Variants in GRID2 observed in about 807,000 individuals in gnomAD.
GRID2 encodes the protein glutamate ionotropic receptor delta type subunit 2, also known as glutamate receptor ionotropic, delta-2.
GRID2 carries 33 observed loss-of-function variants against 114.8 expected under a neutral mutation model. The ratio of observed to expected loss-of-function variants is 0.29; its 90% confidence interval spans 0.22 to 0.38. The LOEUF (loss-of-function observed/expected upper bound fraction) is 0.38. Among genes scored for constraint, GRID2 ranks in the 10% least tolerant of loss-of-function variants. The pLI, the probability that GRID2 is intolerant of heterozygous loss-of-function variation, is 1.00. For missense variants in GRID2, 1,184 were observed against 1,257.7 expected (o/e 0.94, Z 0.89); for synonymous variants, 505 against 449.9 (o/e 1.12, Z -1.55).
intron 2 of GRID2, among the ~76,000 whole-genome samples, chr4:92,791,754 G>A (rs964633058): frequency 6.6e-6 from 1 of 151,856 alleles, no homozygotes; most frequent in Non-Finnish European, 1.5e-5. Context: ...AATACCCTGA[G>A]ACAGCAGTAA....
intron 1 of GRID2, among the ~76,000 whole-genome samples, chr4:92,329,993 A>AAGAGAGAGAGAGAGAGAGAGAGAGAGAG (rs3076580): frequency 2.3e-4 from 30 of 132,580 alleles, no homozygotes; most frequent in African/African-American, 8.1e-4. Context: ...TATGGGAGGA[A>AAGAGAGAGAGAGAGAGAGAGAGAGAGAG]AGAGAGAGAG....
chr4:92,925,154 C>T (rs186748752), intron 2 of GRID2, among the ~76,000 whole-genome samples: 26 of 152,176 alleles, frequency 1.7e-4, no homozygotes, highest in Admixed American at 5.9e-4. Flanking sequence ...CATAAAGCAA[C>T]GACCTCAAAA....
chr4:92,397,165 AATT>A (rs756941506), intron 1 of GRID2, among the ~76,000 whole-genome samples: 52 of 152,066 alleles, frequency 3.4e-4, no homozygotes, highest in Admixed American at 6.6e-4. Flanking sequence ...ACAATATTAC[AATT>A]ATTATAGATA....
chr4:93,310,399 C>T (rs138026567), intron 8 of GRID2, among the ~76,000 whole-genome samples: 11 of 152,132 alleles, frequency 7.2e-5, no homozygotes, highest in South Asian at 2.1e-4. Context: ...GGTTTGGTGG[C>T]GCACTCCTGT....
In GRID2 at chr4:92,939,316, C is replaced by T. The variant is rs907531508; in HGVS notation, c.245-145679C>T. On this transcript the variant is annotated intron_variant, in intron 2 of 15. Coordinates refer to ENST00000282020, the MANE Select transcript of GRID2 (RefSeq NM_001510.4). ...TGATTTGCATTTCTCTGATGGCCAG[C>T]GATGATGAACATTTTTTCATGTGTC... Among the ~76,000 whole-genome samples the T allele has an allele frequency of 4.7e-5, 7 of 147,388 alleles. 1 individual carries two copies. The highest frequency in any genetic ancestry group is 6.0e-5 in the Non-Finnish European group (4 of 66,414).
intron 14 of GRID2, among the ~76,000 whole-genome samples, chr4:93,644,755 A>G (rs1202478304): frequency 6.6e-6 from 1 of 152,202 alleles, no homozygotes; most frequent in Non-Finnish European, 1.5e-5. Context: ...GTAGATGAGA[A>G]AATAGACTGG....
intron 8 of GRID2, among the ~76,000 whole-genome samples, chr4:93,244,162 A>T (rs13146759): frequency 0.54 from 82,627 of 151,760 alleles, 23,471 homozygotes; most frequent in Middle Eastern, 0.73. Context: ...TGCAGACTGA[A>T]TTCCAGTATT....
At chr4:92,507,928 C>T (rs1467062454) in intron 1 of GRID2, among the ~76,000 whole-genome samples, 1 of 151,870 alleles carries the variant, frequency 6.6e-6, no homozygotes, top group African/African-American at 2.4e-5. Context: ...ATGTAGAATA[C>T]CCTTCCCTGG....
intron 4 of GRID2, among the ~76,000 whole-genome samples, chr4:93,120,889 C>T (rs1475901196): frequency 6.6e-6 from 1 of 151,992 alleles, no homozygotes; most frequent in Non-Finnish European, 1.5e-5. Flanking sequence ...GGAGGTGGAG[C>T]TTGTAGTGAG....
chr4:92,803,568 C>A (rs1740273701), intron 2 of GRID2, among the ~76,000 whole-genome samples: 1 of 151,922 alleles, frequency 6.6e-6, no homozygotes, highest in African/African-American at 2.4e-5. Flanking sequence ...ATCAACCAAT[C>A]TTTGTATCTC....
At chr4:93,082,366 G>C (rs1729946980) in intron 2 of GRID2, among the ~76,000 whole-genome samples, 1 of 152,184 alleles carries the variant, frequency 6.6e-6, no homozygotes, top group Admixed American at 6.5e-5. Flanking sequence ...AAGGATGATT[G>C]GTTAGAGAGC....
chr4:93,042,416 A>C (rs1725651322), intron 2 of GRID2, among the ~76,000 whole-genome samples: 1 of 148,180 alleles, frequency 6.7e-6, no homozygotes, highest in Non-Finnish European at 1.5e-5. Flanking sequence ...ACATATATAC[A>C]TGTATATATA....
At chr4:92,900,626 C>A (rs956388787) in intron 2 of GRID2, among the ~76,000 whole-genome samples, 1 of 152,026 alleles carries the variant, frequency 6.6e-6, no homozygotes, top group Admixed American at 6.6e-5. Flanking sequence ...GTCAGGAGAT[C>A]GAGACCATCC....
chr4:93,193,815 G>A (rs1279627078), intron 4 of GRID2, among the ~76,000 whole-genome samples: 1 of 152,090 alleles, frequency 6.6e-6, no homozygotes, highest in Non-Finnish European at 1.5e-5. Flanking sequence ...TAAAATAGAC[G>A]AAGAAAGTCT....
intron 2 of GRID2, among the ~76,000 whole-genome samples, chr4:93,022,111 T>C (rs1022518578): frequency 1.3e-5 from 2 of 151,790 alleles, no homozygotes; most frequent in African/African-American, 4.8e-5. Context: ...TACAAAAATC[T>C]TTCCATAGAT....
chr4:93,454,509 A>T (rs1016503462), intron 10 of GRID2, among the ~76,000 whole-genome samples: 1 of 152,066 alleles, frequency 6.6e-6, no homozygotes, highest in African/African-American at 2.4e-5. Context: ...AAAAAAAAAT[A>T]CTTAAATACT....
chr4:92,918,705 T>C lies in GRID2; in HGVS notation c.245-166290T>C, dbSNP rs560614744. ...CTTGCATCCCAGGGATGAAGCCCACTGGATCATGGTGGATAAGCTTTTTGA... is the reference window on the plus strand; with the variant it reads ...CTTGCATCCCAGGGATGAAGCCCACCGGATCATGGTGGATAAGCTTTTTGA... On this transcript the variant is annotated intron_variant, in intron 2 of 15. Transcript: ENST00000282020. Among the ~76,000 whole-genome samples, 17 of 152,300 alleles carry C rather than the reference T, an allele frequency of 1.1e-4. 1 individual carries two copies. The highest frequency in any genetic ancestry group is 4.1e-4 in the African/African-American group (17 of 41,572).
At chr4:92,730,488 C>G (rs1736280501) in intron 2 of GRID2, among the ~76,000 whole-genome samples, 1 of 151,966 alleles carries the variant, frequency 6.6e-6, no homozygotes, top group South Asian at 2.1e-4. Flanking sequence ...GAGCTAAATT[C>G]AGCTTCATTT....
At chr4:93,597,290 A>G (rs1455767420) in intron 13 of GRID2, among the ~76,000 whole-genome samples, 1 of 152,196 alleles carries the variant, frequency 6.6e-6, no homozygotes, top group Non-Finnish European at 1.5e-5. Context: ...ACTATTTTAT[A>G]TATTTTGATA....
Sources: allele counts gnomAD v4.1 joint callset (sites outside exome capture counted in the v4.1 genomes callset), GRCh38; gene constraint gnomAD v4.1.1; transcripts MANE v1.5; gene names NCBI Gene and HGNC (gene_info 2026-07-23, HGNC 2026-07-21).